CACNB4: variants seen among roughly 807,000 people sequenced by gnomAD.
CACNB4 encodes calcium voltage-gated channel auxiliary subunit beta 4, also known as voltage-dependent L-type calcium channel subunit beta-4.
In CACNB4, 32 loss-of-function variants were observed where a neutral mutation model predicts 71.2. The ratio of observed to expected loss-of-function variants is 0.45; its 90% CI spans 0.34 to 0.60. CACNB4 has a LOEUF of 0.60. Ranked by LOEUF, CACNB4 falls within the 20% of genes least tolerant of loss-of-function variation. The probability of loss-of-function intolerance (pLI) is 0.01; values close to 1 mark genes in which losing one functional copy is unlikely to be tolerated. For synonymous variants in CACNB4, 231 were observed against 236.9 expected, an observed-to-expected ratio of 0.97 and a Z score of 0.23; for missense variants, 464 against 647.9, an observed-to-expected ratio of 0.72 and a Z score of 3.08.
intron 2 of CACNB4, among the ~76,000 whole-genome samples, chr2:151,912,848 G>A (rs1415298012): frequency 6.0e-5 from 9 of 150,922 alleles, no homozygotes; most frequent in African/African-American, 7.4e-5. Context: ...GAATCTGGGT[G>A]CTCCTGTACT....
At chr2:152,030,937 G>A (rs1684251824) in intron 2 of CACNB4, among the ~76,000 whole-genome samples, 1 of 152,192 alleles carries the variant, frequency 6.6e-6, no homozygotes, top group Non-Finnish European at 1.5e-5. Flanking sequence ...CAAGGTTGGG[G>A]AAAGATGATT....
chr2:151,911,506 T>C (rs2099856155), intron 2 of CACNB4, among the ~76,000 whole-genome samples: 1 of 152,110 alleles, frequency 6.6e-6, no homozygotes, highest in African/African-American at 2.4e-5. Flanking sequence ...GAACCAGCCT[T>C]GCATCCCAGG....
At chr2:152,067,018 T>C in intron 2 of CACNB4, among the ~76,000 whole-genome samples, 1 of 129,988 alleles carries the variant, frequency 7.7e-6, no homozygotes, top group South Asian at 3.2e-4. Context: ...GGGGGAGGGA[T>C]AGCACTGGGA....
At chr2:151,948,014 G>A (rs553660943) in intron 2 of CACNB4, among the ~76,000 whole-genome samples, 6 of 152,190 alleles carry the variant, frequency 3.9e-5, no homozygotes, top group Admixed American at 1.3e-4. Context: ...CTCACTTGGC[G>A]GCTTTCTTGG....
intron 2 of CACNB4, among the ~76,000 whole-genome samples, chr2:151,910,141 G>A (rs552009706): frequency 6.6e-6 from 1 of 152,238 alleles, no homozygotes; most frequent in South Asian, 2.1e-4. Flanking sequence ...CAGTGATGTT[G>A]TGTTTTTTTT....
intron 4 of CACNB4, chr2:151,880,596 A>T: frequency 1.7e-6 from 1 of 580,512 alleles, no homozygotes; most frequent in Non-Finnish European, 3.0e-6. Context: ...CTGTGATTTA[A>T]TGTTGTCAGT....
intron 2 of CACNB4, among the ~76,000 whole-genome samples, chr2:152,015,172 G>C (rs1683273828): frequency 6.6e-6 from 1 of 151,534 alleles, no homozygotes; most frequent in Non-Finnish European, 1.5e-5. Context: ...TCGCTCTGTT[G>C]CCCAGGCTGG....
chr2:151,854,212 A>G (rs2099839710), intron 11 of CACNB4: 1 of 152,296 alleles, frequency 6.6e-6, no homozygotes, highest in Non-Finnish European at 1.5e-5. Context: ...CTGTTCTTGC[A>G]CTTAAGGACA....
intron 4 of CACNB4, among the ~76,000 whole-genome samples, chr2:151,876,915 A>C: frequency 6.8e-6 from 1 of 146,762 alleles, no homozygotes; most frequent in Non-Finnish European, 1.5e-5. Flanking sequence ...GTATATGTAT[A>C]TATGTATATA....
intron 2 of CACNB4, among the ~76,000 whole-genome samples, chr2:151,884,948 G>C (rs543712917): frequency 1.3e-5 from 2 of 152,296 alleles, no homozygotes; most frequent in African/African-American, 4.8e-5. Flanking sequence ...CACTGAGTGG[G>C]GGAAAAAGCT....
chr2:151,995,822 CTA>C (rs1195311247), intron 2 of CACNB4, among the ~76,000 whole-genome samples: 1 of 152,236 alleles, frequency 6.6e-6, no homozygotes, highest in African/African-American at 2.4e-5. Context: ...CCTGGTAAAG[CTA>C]TCAACTTCTC....
chr2:151,841,588 T>TA (rs1035479248), intron 13 of CACNB4: 45 of 279,520 alleles, frequency 1.6e-4, no homozygotes, highest in Admixed American at 3.6e-4. Flanking sequence ...ACTATGTCTC[T>TA]AAAAAAAAGT....
intron 2 of CACNB4, among the ~76,000 whole-genome samples, chr2:151,949,774 T>C (rs2099866462): frequency 6.6e-6 from 1 of 152,064 alleles, no homozygotes; most frequent in South Asian, 2.1e-4. Flanking sequence ...TCTGGCCAGG[T>C]GCGGTAGCTC....
At chr2:152,034,835 G>A (rs1383027302) in intron 2 of CACNB4, among the ~76,000 whole-genome samples, 2 of 152,184 alleles carry the variant, frequency 1.3e-5, no homozygotes, top group Non-Finnish European at 2.9e-5. Context: ...TAAGTACTGT[G>A]TGGTGCTGCT....
At chr2:151,842,167 T>G in intron 12 of CACNB4, 79 bp from the exon 13 acceptor site, 1 of 1,195,696 alleles carries the variant, frequency 8.4e-7, no homozygotes, top group Non-Finnish European at 1.2e-6. Flanking sequence ...TTAACACAGA[T>G]AATAGCATTT....
At chr2:152,000,663 C>A (rs998399414) in intron 2 of CACNB4, among the ~76,000 whole-genome samples, 1 of 152,164 alleles carries the variant, frequency 6.6e-6, no homozygotes, top group Non-Finnish European at 1.5e-5. Context: ...ACCCAGTTGT[C>A]CAAACTGGAA....
chr2:151,990,065 T>C (rs1262395589), intron 2 of CACNB4, among the ~76,000 whole-genome samples: 5 of 152,170 alleles, frequency 3.3e-5, no homozygotes, highest in Non-Finnish European at 7.3e-5. Flanking sequence ...GTCCCATATA[T>C]CTTTCCATTT....
chr2:151,925,545 T>C (rs1005043034), intron 2 of CACNB4, among the ~76,000 whole-genome samples: 4 of 152,226 alleles, frequency 2.6e-5, no homozygotes, highest in African/African-American at 9.6e-5. Context: ...TTTGGAATCA[T>C]GTACATTAGC....
chr2:152,029,364 T>C (rs1684140596), intron 2 of CACNB4, among the ~76,000 whole-genome samples: 1 of 151,668 alleles, frequency 6.6e-6, no homozygotes, highest in East Asian at 1.9e-4. Context: ...TGTGGTGTTG[T>C]GCACCTGTAA....
Sources: gnomAD v4.1 joint callset for allele counts (sites outside exome capture counted in the v4.1 genomes callset) on GRCh38, gnomAD v4.1.1 for gene constraint, MANE v1.5 for transcripts, NCBI Gene and HGNC (gene_info 2026-07-23, HGNC 2026-07-21) for gene names.